The following KAZN variants were observed in gnomAD, a reference collection of about 807,000 sequenced individuals.
The protein encoded by KAZN is kazrin.
In KAZN, 40 loss-of-function variants were observed where a neutral mutation model predicts 87.4. That is an observed-to-expected ratio of 0.46 (90% CI 0.36 to 0.60). KAZN has a LOEUF of 0.60. Among genes scored for constraint, KAZN ranks in the 20% least tolerant of loss-of-function variants. The pLI, the probability that KAZN is intolerant of heterozygous loss-of-function variation, is 0.00. For missense variants in KAZN, 898 were observed against 1,073.9 expected, an observed-to-expected ratio of 0.84 and a Z score of 2.29; for synonymous variants, 466 against 458.3, an observed-to-expected ratio of 1.02 and a Z score of -0.22.
intron 2 of KAZN, among the ~76,000 whole-genome samples, chr1:14,501,644 A>G (rs953028477): frequency 1.1e-4 from 17 of 152,248 alleles, no homozygotes; most frequent in African/African-American, 3.1e-4. Context: ...AAATTAAGGA[A>G]GACTGAAATA....
At chr1:13,894,749 C>T (rs1244080876) in intron 1 of KAZN, among the ~76,000 whole-genome samples, 1 of 152,098 alleles carries the variant, frequency 6.6e-6, no homozygotes, top group African/African-American at 2.4e-5. Context: ...CTGGGGTATC[C>T]GTCCCCTGCT....
chr1:14,529,213 A>C (rs1162899188), intron 2 of KAZN, among the ~76,000 whole-genome samples: 3 of 152,172 alleles, frequency 2.0e-5, no homozygotes, highest in Non-Finnish European at 4.4e-5. Flanking sequence ...TTGAGGCAGG[A>C]GAATCGCTTG....
At chr1:14,280,133 TG>T (rs2100711885) in intron 2 of KAZN, among the ~76,000 whole-genome samples, 1 of 151,812 alleles carries the variant, frequency 6.6e-6, no homozygotes, top group South Asian at 2.1e-4. Context: ...GAGGCTGAGG[TG>T]GGTGGATCAC....
intron 1 of KAZN, among the ~76,000 whole-genome samples, chr1:14,812,268 G>C (rs527937552): frequency 9.9e-5 from 15 of 152,122 alleles, no homozygotes; most frequent in Admixed American, 1.3e-4. Context: ...ACCATGACAC[G>C]GGGCTCACAG....
In KAZN at chr1:14,903,585, G is replaced by A. The variant is rs538235023; in HGVS notation, c.227-57099G>A. 9.8e-5 allele frequency among the ~76,000 whole-genome samples: 15 copies of A among 152,306 alleles called. No individual in the cohort carries two copies. The South Asian group carries it at 2.5e-3, about 25-fold the overall frequency. On this transcript the variant is annotated intron_variant, in intron 1 of 14. Transcript: ENST00000376030. ...CAGAGGAGGCCGAGAATGTAAGGCC[G>A]GGGTCTGCTTTGTTGTTTCCTTGTG...
At chr1:14,318,606 G>A (rs199945051) in intron 2 of KAZN, among the ~76,000 whole-genome samples, 2 of 152,030 alleles carry the variant, frequency 1.3e-5, no homozygotes, top group East Asian at 3.8e-4. Context: ...CAAATTTGGA[G>A]AATTTTTAGC....
chr1:14,755,395 C>T (rs1029599134), intron 1 of KAZN, among the ~76,000 whole-genome samples: 46 of 152,318 alleles, frequency 3.0e-4, no homozygotes, highest in African/African-American at 1.1e-3. Context: ...ACAGTCCTAA[C>T]TCTGGTGGGG....
At chr1:14,068,238 G>T (rs1314971488) in intron 1 of KAZN, among the ~76,000 whole-genome samples, 1 of 152,106 alleles carries the variant, frequency 6.6e-6, no homozygotes, top group Non-Finnish European at 1.5e-5. Context: ...TAGAGACAAG[G>T]GTGTCCCTAT....
intron 2 of KAZN, among the ~76,000 whole-genome samples, chr1:14,559,595 C>T (rs574964750): frequency 6.6e-6 from 1 of 152,304 alleles, no homozygotes; most frequent in Admixed American, 6.5e-5. Flanking sequence ...GAAGAAGATA[C>T]TGTAAATTCC....
At chr1:14,895,378 G>A (rs1054004918) in intron 1 of KAZN, among the ~76,000 whole-genome samples, 1 of 152,234 alleles carries the variant, frequency 6.6e-6, no homozygotes, top group Non-Finnish European at 1.5e-5. Context: ...CCTTGGCTGA[G>A]TCTGGAGCTG....
intron 1 of KAZN, among the ~76,000 whole-genome samples, chr1:14,077,731 T>C (rs971266048): frequency 1.3e-5 from 2 of 152,196 alleles, no homozygotes; most frequent in East Asian, 3.8e-4. Context: ...TTTAGGAACA[T>C]AATCTTTGCA....
intron 2 of KAZN, among the ~76,000 whole-genome samples, chr1:14,467,711 C>G (rs915427800): frequency 1.1e-4 from 16 of 150,494 alleles, no homozygotes; most frequent in African/African-American, 3.7e-4. Context: ...CTTTACATCG[C>G]CCTCAGTTGA....
intron 3 of KAZN, 33 bp from the exon 4 acceptor site, chr1:15,043,956 A>G (rs1466785069): frequency 1.3e-6 from 2 of 1,576,578 alleles, no homozygotes; most frequent in Non-Finnish European, 1.7e-6. Context: ...TGGCTGTAAC[A>G]CCCACGGTGC....
intron 1 of KAZN, among the ~76,000 whole-genome samples, chr1:14,100,890 A>G (rs760058018): frequency 3.6e-4 from 54 of 151,636 alleles, no homozygotes; most frequent in Non-Finnish European, 5.5e-4. Flanking sequence ...TGTTTTCATG[A>G]TAGTGAATAA....
intron 1 of KAZN, among the ~76,000 whole-genome samples, chr1:14,661,707 G>A (rs1639179727): frequency 6.6e-6 from 1 of 151,582 alleles, no homozygotes; most frequent in Non-Finnish European, 1.5e-5. Context: ...CTGAGGTCAG[G>A]GGTTTGAGAC....
intron 2 of KAZN, among the ~76,000 whole-genome samples, chr1:14,285,594 G>A (rs768105095): frequency 1.3e-5 from 2 of 152,104 alleles, no homozygotes; most frequent in East Asian, 1.9e-4. Context: ...ATGCCTACTC[G>A]CCACTTTATC....
intron 1 of KAZN, among the ~76,000 whole-genome samples, chr1:14,847,813 T>C (rs1240353201): frequency 1.3e-5 from 2 of 152,146 alleles, no homozygotes; most frequent in African/African-American, 4.8e-5. Context: ...AGACCTCGTC[T>C]CTACAAAATA....
chr1:15,048,569 G>A lies in KAZN; in HGVS notation c.726+4410G>A, dbSNP rs534748786. On this transcript the variant is annotated intron_variant, in intron 4 of 14. Transcript: ENST00000376030. ...GATCCTTGGTTGTTGGTCCTGGGTC[G>A]TTGATCCTTGGTCGTTGGTCCTGGG... is the stretch of plus-strand genomic sequence containing the variant. Among the ~76,000 whole-genome samples, 18 of 152,230 alleles carry A rather than the reference G, an allele frequency of 1.2e-4. No homozygotes were observed. In the East Asian group the frequency reaches 2.5e-3, roughly 21 times the overall value.
chr1:13,971,039 A>AT (rs1384450619), intron 1 of KAZN, among the ~76,000 whole-genome samples: 1 of 152,158 alleles, frequency 6.6e-6, no homozygotes, highest in Non-Finnish European at 1.5e-5. Flanking sequence ...TGGGTAGGTG[A>AT]TTTAGGCTGT....
Sources: allele counts gnomAD v4.1 joint callset (sites outside exome capture counted in the v4.1 genomes callset), GRCh38; gene constraint gnomAD v4.1.1; transcripts MANE v1.5; gene names NCBI Gene and HGNC (gene_info 2026-07-23, HGNC 2026-07-21).